The following GLB1 variants were observed in gnomAD, a reference collection of about 807,000 sequenced individuals.
GLB1 encodes beta-galactosidase.
In GLB1, 56 loss-of-function variants were observed where a neutral mutation model predicts 74.0. The ratio of observed to expected loss-of-function variants is 0.76; its 90% CI spans 0.61 to 0.94. The LOEUF is 0.94. Among genes scored for constraint, GLB1 ranks in the 40% least tolerant of loss-of-function variants. GLB1 has a pLI of 0.00. For missense variants in GLB1, 787 were observed against 845.5 expected (o/e 0.93, Z 0.86); for synonymous variants, 323 against 323.6 (o/e 1.00, Z 0.02).
chr3:33,006,070 T>C (rs1461885000), intron 15 of GLB1, among the ~76,000 whole-genome samples: 2 of 152,184 alleles, frequency 1.3e-5, no homozygotes, highest in African/African-American at 4.8e-5. Flanking sequence ...CATAGGATAT[T>C]GACAGGAGAC....
intron 15 of GLB1, among the ~76,000 whole-genome samples, chr3:33,007,813 A>G (rs891175543): frequency 6.6e-6 from 1 of 152,214 alleles, no homozygotes; most frequent in African/African-American, 2.4e-5. Flanking sequence ...TGACCAAATA[A>G]GTAAAGAGCC....
intron 4 of GLB1, 35 bp from the exon 5 acceptor site, chr3:33,065,592 C>T (rs1466820825): frequency 6.4e-7 from 1 of 1,551,780 alleles, no homozygotes; most frequent in Non-Finnish European, 8.7e-7. Flanking sequence ...CAAGCTTGTC[C>T]AACCCCAGCC....
rs1357572079 is a variant in GLB1 at position 33,046,144 on chromosome 3, A to C, written c.1044T>G (p.Phe348Leu). The C allele has an allele frequency of 2.5e-6, 4 of 1,613,580 alleles. No individual in the cohort carries two copies. The highest frequency in any genetic ancestry group is 3.4e-6 in the Non-Finnish European group (4 of 1,179,956). Reference sequence around the variant, plus strand: ...CCTTCTGGATGATGTTTCGCAGAGCAAAATACTTCTCAGTGAGGTCCCCAG... The same window carrying C: ...CCTTCTGGATGATGTTTCGCAGAGCCAAATACTTCTCAGTGAGGTCCCCAG... ...SEAGDLTEKY[F>L]ALRNIIQKFE... Residue 348 changes from phenylalanine to leucine, a missense_variant, in exon 10 of 16, where the codon TTT becomes TTG. Transcript: ENST00000307363.
intron 11 of GLB1, among the ~76,000 whole-genome samples, chr3:33,023,488 T>C (rs146010882): frequency 6.6e-6 from 1 of 152,250 alleles, no homozygotes; most frequent in East Asian, 1.9e-4. Context: ...TGTTTGGCAT[T>C]TTGCTTGAAG....
the GLB1 span, among the ~76,000 whole-genome samples, chr3:32,963,376 G>C: frequency 6.6e-6 from 1 of 152,084 alleles, no homozygotes; most frequent in Non-Finnish European, 1.5e-5. Context: ...TGTGCAGCAG[G>C]CAAAGCCTTT....
chr3:32,978,388 C>CAA, the GLB1 span, among the ~76,000 whole-genome samples: 17 of 149,510 alleles, frequency 1.1e-4, no homozygotes, highest in African/African-American at 4.2e-4. Flanking sequence ...AATTAAAAAA[C>CAA]AAAAAAAAAA....
At chr3:33,016,419 T>C (rs1029386408) in intron 14 of GLB1, among the ~76,000 whole-genome samples, 2 of 152,196 alleles carry the variant, frequency 1.3e-5, no homozygotes, top group Non-Finnish European at 2.9e-5. Context: ...TGCAGTGGCA[T>C]GATCATAGGT....
the GLB1 span, among the ~76,000 whole-genome samples, chr3:32,979,177 C>T: frequency 7.9e-5 from 12 of 151,892 alleles, no homozygotes; most frequent in African/African-American, 2.2e-4. Flanking sequence ...GGTTTCTCCA[C>T]GTTGGTCAGC....
At chr3:33,071,072 G>C (rs563758513) in intron 2 of GLB1, among the ~76,000 whole-genome samples, 1 of 152,244 alleles carries the variant, frequency 6.6e-6, no homozygotes, top group South Asian at 2.1e-4. Flanking sequence ...CAGCTCCTCT[G>C]TCTACCTACA....
chr3:33,007,605 A>G (rs935650592), intron 15 of GLB1, among the ~76,000 whole-genome samples: 1 of 152,174 alleles, frequency 6.6e-6, no homozygotes, highest in Admixed American at 6.6e-5. Context: ...TCGTTTATTC[A>G]TTCCTCAGCT....
At chr3:33,096,126 G>T (rs1222635625) in intron 1 of GLB1, among the ~76,000 whole-genome samples, 1 of 152,148 alleles carries the variant, frequency 6.6e-6, no homozygotes, top group African/African-American at 2.4e-5. Context: ...AAAGCATACT[G>T]CAGGCTCAGC....
intron 10 of GLB1, among the ~76,000 whole-genome samples, chr3:33,040,205 T>C (rs1698442957): frequency 6.6e-6 from 1 of 152,228 alleles, no homozygotes; most frequent in Non-Finnish European, 1.5e-5. Flanking sequence ...GTCAGCCCTC[T>C]GATATATTTT....
chr3:33,094,909 T>C (rs533287677), intron 1 of GLB1, among the ~76,000 whole-genome samples: 1 of 152,296 alleles, frequency 6.6e-6, no homozygotes, highest in Non-Finnish European at 1.5e-5. Flanking sequence ...TCTTAACAAA[T>C]AGTTTAAAAT....
At chr3:33,024,906 T>C (rs1442104173) in intron 10 of GLB1, among the ~76,000 whole-genome samples, 1 of 151,610 alleles carries the variant, frequency 6.6e-6, no homozygotes, top group Admixed American at 6.6e-5. Flanking sequence ...TAGAGTAAAA[T>C]GTTGACACAG....
At chr3:33,078,190 G>A (rs566076978) in intron 1 of GLB1, among the ~76,000 whole-genome samples, 1 of 152,344 alleles carries the variant, frequency 6.6e-6, no homozygotes, top group South Asian at 2.1e-4. Context: ...GCGATGGTGA[G>A]ATGTGATAGG....
intron 1 of GLB1, chr3:33,096,449 T>C (rs1701031560): frequency 4.1e-6 from 4 of 969,570 alleles, no homozygotes; most frequent in Admixed American, 7.1e-5. Flanking sequence ...GTCCCACAAA[T>C]ACAAAGAAAA....
At chr3:33,085,071 G>T (rs1700452758) in intron 1 of GLB1, among the ~76,000 whole-genome samples, 1 of 151,976 alleles carries the variant, frequency 6.6e-6, no homozygotes, top group Admixed American at 6.6e-5. Flanking sequence ...GACCCCAGAA[G>T]TTCCAGCCTG....
Position 32,996,703 on chromosome 3 carries a change from C to T in GLB1, c.*342G>A. The T allele has an allele frequency of 5.7e-6, 2 of 348,784 alleles. No individual in the cohort carries two copies. The highest frequency in any genetic ancestry group is 1.1e-5 in the Non-Finnish European group (2 of 181,056). The allele number at this position is 348,784 out of a possible 1,614,324, so 21.6% of individuals were successfully genotyped here. A position where few individuals can be genotyped will look rare whatever the true frequency, so the allele number is the denominator to read the frequency against. ...TAAGTCAGACCATATAATTCAATAC[C>T]TGCACATTAAAAACAGTGACATCAT... is the stretch of plus-strand genomic sequence containing the variant. On this transcript the variant is annotated 3_prime_UTR_variant, in exon 16 of 16. Coordinates refer to ENST00000307363, the MANE Select transcript of GLB1 (RefSeq NM_000404.4).
intron 6 of GLB1, among the ~76,000 whole-genome samples, chr3:33,057,342 A>G (rs951580350): frequency 1.3e-5 from 2 of 152,202 alleles, no homozygotes; most frequent in Non-Finnish European, 2.9e-5. Context: ...TTTGTAAATT[A>G]CCCAGTCTCT....
Sources: gnomAD v4.1 joint callset for allele counts (sites outside exome capture counted in the v4.1 genomes callset) on GRCh38, gnomAD v4.1.1 for gene constraint, MANE v1.5 for transcripts, NCBI Gene and HGNC (gene_info 2026-07-23, HGNC 2026-07-21) for gene names.